C12orf54: variants seen among roughly 807,000 people sequenced by gnomAD.
The protein encoded by C12orf54 is chromosome 12 open reading frame 54.
In C12orf54, 24 loss-of-function variants were observed where a neutral mutation model predicts 26.4. The observed-to-expected ratio is 0.91, with a 90% CI of 0.66 to 1.28. C12orf54 has a LOEUF of 1.28. C12orf54 is among the 50% of genes most tolerant of loss of function. The pLI is 0.00. For synonymous variants in C12orf54, 54 were observed against 47.0 expected (o/e 1.15, Z -0.61); for missense variants, 154 against 150.9 (o/e 1.02, Z -0.11).
At chr12:48,478,208 TA>T (rs1221881910), upstream of C12orf54, among the ~76,000 whole-genome samples, 3 of 152,206 alleles carry the variant, frequency 2.0e-5, no homozygotes, top group Non-Finnish European at 4.4e-5. Flanking sequence ...TGCTTCATGC[TA>T]AAAACTCTCA....
At chr12:48,441,221 C>T in the C12orf54 span, among the ~76,000 whole-genome samples, 2 of 152,206 alleles carry the variant, frequency 1.3e-5, no homozygotes, top group Non-Finnish European at 2.9e-5. Context: ...CTTGAAAGGG[C>T]AGAATCTAGG....
chr12:48,479,523 TA>T (rs1320126305), upstream of C12orf54, among the ~76,000 whole-genome samples: 1 of 151,210 alleles, frequency 6.6e-6, no homozygotes, highest in Non-Finnish European at 1.5e-5. Context: ...AATAATAAAA[TA>T]AAATATATAT....
the C12orf54 span, among the ~76,000 whole-genome samples, chr12:48,462,253 A>G: frequency 6.6e-6 from 1 of 151,694 alleles, no homozygotes. Flanking sequence ...AATAATTTCT[A>G]GTTAAAACCT....
chr12:48,448,982 G>A, the C12orf54 span, among the ~76,000 whole-genome samples: 3 of 152,186 alleles, frequency 2.0e-5, no homozygotes, highest in Non-Finnish European at 2.9e-5. Context: ...AACTTGAAGA[G>A]GGGGCAGCTA....
chr12:48,483,055 C>G (rs1272258414), intron 1 of C12orf54, among the ~76,000 whole-genome samples, 185 bp from the exon 2 acceptor site: 4 of 151,982 alleles, frequency 2.6e-5, no homozygotes, highest in Admixed American at 6.6e-5. Flanking sequence ...TTCATCTTTC[C>G]TTATGCATAT....
chr12:48,486,620 T>C (rs927710446), intron 3 of C12orf54, 68 bp from the exon 4 acceptor site: 25 of 1,487,158 alleles, frequency 1.7e-5, no homozygotes, highest in Middle Eastern at 1.7e-4. Context: ...ACCAGTTTCA[T>C]AATGTGTCAC....
At chr12:48,422,168 T>C in the C12orf54 span, among the ~76,000 whole-genome samples, 3 of 152,144 alleles carry the variant, frequency 2.0e-5, no homozygotes, top group Non-Finnish European at 2.9e-5. Flanking sequence ...CTAATGAATA[T>C]CCTTGCACTG....
the C12orf54 span, among the ~76,000 whole-genome samples, chr12:48,419,836 A>G: frequency 6.6e-6 from 1 of 152,152 alleles, no homozygotes; most frequent in Admixed American, 6.5e-5. Context: ...GAAAAGAACA[A>G]CAACTATCTT....
the C12orf54 span, among the ~76,000 whole-genome samples, chr12:48,450,010 C>G: frequency 6.6e-6 from 1 of 152,176 alleles, no homozygotes; most frequent in African/African-American, 2.4e-5. Flanking sequence ...GCACCCTCTG[C>G]CATGATCCTG....
At chr12:48,484,977 G>A (rs374093319) in intron 2 of C12orf54, among the ~76,000 whole-genome samples, 14 of 152,320 alleles carry the variant, frequency 9.2e-5, no homozygotes, top group African/African-American at 3.1e-4. Flanking sequence ...AGAATTGTGT[G>A]CCTGAGCCAT....
the C12orf54 span, among the ~76,000 whole-genome samples, chr12:48,434,178 C>A: frequency 6.6e-6 from 1 of 152,170 alleles, no homozygotes; most frequent in Admixed American, 6.5e-5. Flanking sequence ...GCACAGCAGT[C>A]TGAGATCAAG....
chr12:48,494,769 T>C, intron 7 of C12orf54, 29 bp from the exon 8 acceptor site: 1 of 1,608,456 alleles, frequency 6.2e-7, no homozygotes. Flanking sequence ...CTTTCCCTCA[T>C]GTCTACAACT....
the C12orf54 span, chr12:48,473,462 T>G: frequency 1.9e-6 from 1 of 522,784 alleles, no homozygotes; most frequent in Non-Finnish European, 3.5e-6. Flanking sequence ...TTACTGTTTT[T>G]AGCCGTATCC....
intron 5 of C12orf54, among the ~76,000 whole-genome samples, chr12:48,490,318 G>A (rs1440050735): frequency 6.6e-6 from 1 of 152,158 alleles, no homozygotes; most frequent in Non-Finnish European, 1.5e-5. Context: ...TTTGGTGTGA[G>A]AGATACAAAA....
chr12:48,427,600 T>A, the C12orf54 span, among the ~76,000 whole-genome samples: 5 of 151,944 alleles, frequency 3.3e-5, no homozygotes, highest in Non-Finnish European at 7.4e-5. Flanking sequence ...TAACGGTAAG[T>A]GGCCTTGTCC....
At chr12:48,488,495 A>AAAAAAAAAC in intron 4 of C12orf54, 1 of 334,116 alleles carries the variant, frequency 3.0e-6, no homozygotes, top group Non-Finnish European at 5.7e-6. Context: ...AAAAAAAAAA[A>AAAAAAAAAC]GAAAGAAAGA....
chr12:48,450,565 A>C, the C12orf54 span, among the ~76,000 whole-genome samples: 20 of 152,016 alleles, frequency 1.3e-4, no homozygotes, highest in Non-Finnish European at 2.8e-4. Flanking sequence ...TTTGGAAAAA[A>C]TAATAAAATA....
the C12orf54 span, among the ~76,000 whole-genome samples, chr12:48,419,387 G>T: frequency 6.6e-6 from 1 of 152,060 alleles, no homozygotes; most frequent in African/African-American, 2.4e-5. Flanking sequence ...TCTCTTGCGT[G>T]GTTTTAAGAC....
the C12orf54 span, among the ~76,000 whole-genome samples, chr12:48,432,496 GC>G: frequency 1.4e-5 from 2 of 144,560 alleles, no homozygotes; most frequent in Non-Finnish European, 3.1e-5. Context: ...AACATGAGAA[GC>G]TTTCTCATTG....
Sources: allele counts gnomAD v4.1 joint callset (sites outside exome capture counted in the v4.1 genomes callset), GRCh38; gene constraint gnomAD v4.1.1; transcripts MANE v1.5; gene names NCBI Gene and HGNC (gene_info 2026-07-23, HGNC 2026-07-21).